PDE1A: variants seen among roughly 807,000 people sequenced by gnomAD.
PDE1A encodes the protein phosphodiesterase 1A.
Under a neutral mutation model 61.7 loss-of-function variants are expected in PDE1A, and 35 were observed. The ratio of observed to expected loss-of-function variants is 0.57; its 90% CI spans 0.43 to 0.75. The LOEUF is 0.75. Ranked by LOEUF, PDE1A falls within the 30% of genes least tolerant of loss-of-function variation. PDE1A has a pLI of 0.00. For missense variants in PDE1A, 597 were observed against 630.6 expected (o/e 0.95, Z 0.57); for synonymous variants, 232 against 213.2 (o/e 1.09, Z -0.77).
chr2:182,251,595 T>C (rs951721202), intron 2 of PDE1A, among the ~76,000 whole-genome samples: 1 of 152,246 alleles, frequency 6.6e-6, no homozygotes, highest in African/African-American at 2.4e-5. Flanking sequence ...TCAGGTGATT[T>C]CAATGACTAC....
the PDE1A span, among the ~76,000 whole-genome samples, chr2:182,705,134 G>C: frequency 4.3e-4 from 65 of 152,270 alleles, no homozygotes; most frequent in African/African-American, 1.5e-3. Flanking sequence ...AAAACCTCCA[G>C]GTGTCCTGAA....
chr2:182,231,183 G>T, intron 4 of PDE1A, 52 bp from the exon 5 acceptor site: 2 of 911,460 alleles, frequency 2.2e-6, no homozygotes, highest in South Asian at 1.4e-5. Flanking sequence ...CTGTTTCTAC[G>T]AGAATTTATT....
At chr2:182,324,817 G>A (rs1696939072) in intron 1 of PDE1A, among the ~76,000 whole-genome samples, 3 of 152,152 alleles carry the variant, frequency 2.0e-5, no homozygotes, top group Admixed American at 1.3e-4. Flanking sequence ...CAAGTCAGCT[G>A]AAGTTAGTCA....
chr2:182,476,420 G>A (rs949493787), intron 2 of PDE1A, among the ~76,000 whole-genome samples: 2 of 151,882 alleles, frequency 1.3e-5, no homozygotes, highest in African/African-American at 4.8e-5. Flanking sequence ...GAACCCAGGA[G>A]GCACAGGTTT....
intron 2 of PDE1A, among the ~76,000 whole-genome samples, chr2:182,256,067 T>A (rs1293194698): frequency 1.4e-5 from 2 of 139,802 alleles, no homozygotes; most frequent in Non-Finnish European, 3.0e-5. Context: ...TTCTTGTTTA[T>A]TTTTCTTTTA....
At chr2:182,290,369 G>A (rs1261272807) in intron 1 of PDE1A, among the ~76,000 whole-genome samples, 2 of 152,058 alleles carry the variant, frequency 1.3e-5, no homozygotes, top group East Asian at 1.9e-4. Flanking sequence ...TCTTTTGGTG[G>A]AAAGACTGAA....
chr2:182,401,095 T>C (rs1270555437), intron 1 of PDE1A, among the ~76,000 whole-genome samples: 1 of 152,060 alleles, frequency 6.6e-6, no homozygotes, highest in African/African-American at 2.4e-5. Context: ...ATCAGAAGTA[T>C]AAAGAGGAGC....
intron 13 of PDE1A, among the ~76,000 whole-genome samples, chr2:182,178,800 A>G (rs886746510): frequency 4.6e-5 from 7 of 152,076 alleles, no homozygotes; most frequent in African/African-American, 1.7e-4. Context: ...GAAGGAGAAG[A>G]AAAGAGAGCA....
At chr2:182,447,021 A>G (rs1022878013) in intron 2 of PDE1A, among the ~76,000 whole-genome samples, 2 of 151,818 alleles carry the variant, frequency 1.3e-5, no homozygotes, top group Admixed American at 6.6e-5. Context: ...TGTCATTTTA[A>G]TCTATACATT....
intron 1 of PDE1A, among the ~76,000 whole-genome samples, chr2:182,357,534 G>T (rs761163209): frequency 3.9e-5 from 6 of 152,102 alleles, no homozygotes; most frequent in Non-Finnish European, 8.8e-5. Context: ...GCTGTACTTG[G>T]TTATTTTACT....
At chr2:182,685,535 A>C in the PDE1A span, among the ~76,000 whole-genome samples, 17 of 152,266 alleles carry the variant, frequency 1.1e-4, no homozygotes, top group African/African-American at 4.1e-4. Context: ...AAGTTATTTA[A>C]CCTCTCTAAA....
intron 2 of PDE1A, among the ~76,000 whole-genome samples, chr2:182,242,618 T>C (rs1400755895): frequency 6.6e-6 from 1 of 152,154 alleles, no homozygotes. Flanking sequence ...TCAGTAGACT[T>C]TGAATAAAGC....
At chr2:182,360,614 G>A (rs1699447346) in intron 1 of PDE1A, among the ~76,000 whole-genome samples, 1 of 150,722 alleles carries the variant, frequency 6.6e-6, no homozygotes, top group African/African-American at 2.4e-5. Flanking sequence ...GACGCATGTA[G>A]AGACCTGCAA....
At chr2:182,374,037 G>A (rs966429999) in intron 1 of PDE1A, among the ~76,000 whole-genome samples, 1 of 152,116 alleles carries the variant, frequency 6.6e-6, no homozygotes, top group Non-Finnish European at 1.5e-5. Context: ...TTTTTACCAA[G>A]TATTTGGTGA....
chr2:182,228,153 C>G (rs1267497118), intron 6 of PDE1A, among the ~76,000 whole-genome samples: 2 of 152,064 alleles, frequency 1.3e-5, no homozygotes, highest in African/African-American at 4.8e-5. Flanking sequence ...CACCATGGCA[C>G]AGGACTACAA....
In PDE1A at chr2:182,185,838, G is replaced by C. The variant is rs759697042; in HGVS notation, c.1516+54C>G. 9 of 1,610,400 alleles carry C rather than the reference G, an allele frequency of 5.6e-6. No individual in the cohort carries two copies. In the South Asian group the frequency reaches 9.9e-5, roughly 18 times the overall value. On this transcript the variant is annotated intron_variant, in intron 13 of 13. Transcript: ENST00000351439. ...CTAGAAGAAGTAATCCAAACTCTTA[G>C]AGGAGAAGTGAAGACAGAGAGAGAT...
In PDE1A at chr2:182,270,911, C is replaced by G. The variant is rs182554136; in HGVS notation, c.54-6497G>C. Among the ~76,000 whole-genome samples the G allele has an allele frequency of 4.2e-4, 64 of 151,924 alleles. 1 individual carries two copies. The highest frequency in any genetic ancestry group is 1.1e-3 in the Admixed American group (16 of 15,224). On this transcript the variant is annotated intron_variant, in intron 1 of 13. Transcript: ENST00000351439. Reference sequence around the variant, plus strand: ...CTTATCTATTCTGCAGGTCGATGCTCAGGAAATTAAACCCTAACCTTAATC... The same window carrying G: ...CTTATCTATTCTGCAGGTCGATGCTGAGGAAATTAAACCCTAACCTTAATC...
At chr2:182,575,330 T>G in the PDE1A span, among the ~76,000 whole-genome samples, 1 of 152,042 alleles carries the variant, frequency 6.6e-6, no homozygotes, top group Non-Finnish European at 1.5e-5. Flanking sequence ...GATTTCATAC[T>G]GATAGTCTGG....
At chr2:182,376,585 T>C (rs1456064918) in intron 1 of PDE1A, among the ~76,000 whole-genome samples, 1 of 152,226 alleles carries the variant, frequency 6.6e-6, no homozygotes, top group Non-Finnish European at 1.5e-5. Context: ...TCTTATCTTC[T>C]TCTGAGCCCT....
Sources: gnomAD v4.1 joint callset for allele counts (sites outside exome capture counted in the v4.1 genomes callset) on GRCh38, gnomAD v4.1.1 for gene constraint, MANE v1.5 for transcripts, NCBI Gene and HGNC (gene_info 2026-07-23, HGNC 2026-07-21) for gene names.